The following DIP2C variants were observed in gnomAD, a reference collection of about 807,000 sequenced individuals.
DIP2C encodes the protein DIP2 acetate--CoA ligase C (putative), also known as disco-interacting protein 2 homolog C.
In DIP2C, 33 loss-of-function variants were observed where a neutral mutation model predicts 192.4. That is an observed-to-expected ratio of 0.17 (90% confidence interval 0.13 to 0.23). The LOEUF (loss-of-function observed/expected upper bound fraction) is 0.23, where lower values mean the gene tolerates loss of function less well. Ranked by LOEUF, DIP2C falls within the 10% of genes least tolerant of loss-of-function variation. The probability of loss-of-function intolerance (pLI) is 1.00; values close to 1 mark genes in which losing one functional copy is unlikely to be tolerated. For synonymous variants in DIP2C, 979 were observed against 864.1 expected, an observed-to-expected ratio of 1.13 and a Z score of -2.33; for missense variants, 1,537 against 2,110.1, an observed-to-expected ratio of 0.73 and a Z score of 5.32.
chr10:423,148 CTTT>C (rs1391665211), intron 4 of DIP2C, 115 bp from the exon 5 acceptor site: 3 of 966,506 alleles, frequency 3.1e-6, no homozygotes, highest in African/African-American at 1.6e-5. Context: ...TGTTCAATGA[CTTT>C]TTGATACACT....
chr10:443,117 T>C (rs1361644022), intron 3 of DIP2C, among the ~76,000 whole-genome samples: 1 of 152,178 alleles, frequency 6.6e-6, no homozygotes, highest in Non-Finnish European at 1.5e-5. Flanking sequence ...GGTGCTTAAG[T>C]TCCTCCAAAG....
intron 1 of DIP2C, among the ~76,000 whole-genome samples, chr10:540,489 G>T (rs1388355060): frequency 6.6e-6 from 1 of 152,176 alleles, no homozygotes; most frequent in Admixed American, 6.5e-5. Context: ...ACAGTCTTGA[G>T]TCCTCTTCTC....
At chr10:603,325 AAAAAAAAACC>A (rs1231350170) in intron 1 of DIP2C, among the ~76,000 whole-genome samples, 76 of 137,680 alleles carry the variant, frequency 5.5e-4, no homozygotes, top group African/African-American at 2.2e-3. Flanking sequence ...AAAAAAAAAA[AAAAAAAAACC>A]AACCATGAGA....
In DIP2C at chr10:591,330, G is replaced by A. The variant is rs139221179; in HGVS notation, c.85+98164C>T. On this transcript the variant is annotated intron_variant, in intron 1 of 36. Transcript: ENST00000280886. ...AGTAGAGACAGGGTTTCACCATGTT[G>A]GCCAGGCTGGTCTCAAACTCCTGAC... is the stretch of plus-strand genomic sequence containing the variant. 2.2e-3 allele frequency among the ~76,000 whole-genome samples: 328 copies of A among 152,132 alleles called. 2 individuals carry two copies. Among genetic ancestry groups the A allele is most frequent in the African/African-American group, 7.5e-3 (312 of 41,502 alleles).
chr10:632,154 C>T (rs944868544), intron 1 of DIP2C, among the ~76,000 whole-genome samples: 2 of 152,300 alleles, frequency 1.3e-5, no homozygotes, highest in Admixed American at 6.5e-5. Context: ...AAGAGGCAAA[C>T]GTGGACCACA....
In DIP2C at chr10:478,955, C is replaced by T. The variant is rs1047187742; in HGVS notation, c.158-6406G>A. Among the ~76,000 whole-genome samples the T allele has an allele frequency of 2.5e-4, 38 of 152,246 alleles. 1 individual carries two copies. The highest frequency in any genetic ancestry group is 2.3e-3 in the Admixed American group (35 of 15,282). The stretch of plus-strand genomic sequence containing the variant: ...GCCAAGAGGCTCTCCTGCCCTCCTT[C>T]CCCAGCACCCAGGGGCAAGCGCTCT... On this transcript the variant is annotated intron_variant, in intron 2 of 36. Transcript: ENST00000280886.
At chr10:291,974 T>A (rs1203975087) in intron 32 of DIP2C, among the ~76,000 whole-genome samples, 1 of 152,216 alleles carries the variant, frequency 6.6e-6, no homozygotes, top group African/African-American at 2.4e-5. Flanking sequence ...GGCCCTCTCC[T>A]GCGGGAAGTG....
At chr10:670,538 A>G (rs1264057753) in intron 1 of DIP2C, among the ~76,000 whole-genome samples, 1 of 152,226 alleles carries the variant, frequency 6.6e-6, no homozygotes, top group Non-Finnish European at 1.5e-5. Context: ...ACGGCTGCAC[A>G]TCACATTAAC....
intron 1 of DIP2C, among the ~76,000 whole-genome samples, chr10:569,384 A>T (rs1849643642): frequency 6.6e-6 from 1 of 152,224 alleles, no homozygotes; most frequent in Non-Finnish European, 1.5e-5. Flanking sequence ...TAAAAGCCAA[A>T]ACAAGGGAGG....
intron 5 of DIP2C, among the ~76,000 whole-genome samples, chr10:420,260 C>T (rs1323617087): frequency 5.3e-5 from 8 of 152,232 alleles, no homozygotes; most frequent in African/African-American, 1.4e-4. Flanking sequence ...CAGAAGAGGC[C>T]GTGACAGGAC....
Position 281,340 on chromosome 10 carries a change from G to A in DIP2C, c.4295-17C>T, listed in dbSNP as rs779693461. 1.3e-6 allele frequency: 2 copies of A among 1,593,330 alleles called. No individual in the cohort carries two copies. The highest frequency in any genetic ancestry group is 1.7e-6 in the Non-Finnish European group (2 of 1,165,536). On this transcript the variant is annotated splice_polypyrimidine_tract_variant and intron_variant, in intron 35 of 36. Coordinates refer to ENST00000280886, the MANE Select transcript of DIP2C (RefSeq NM_014974.3). ...CATGGCGCTCTGTGGAGTAATGACA[G>A]CCTGCGTAAGCTTCCCCATAATGCC...
chr10:568,828 C>T (rs1404908753), intron 1 of DIP2C, among the ~76,000 whole-genome samples: 1 of 140,124 alleles, frequency 7.1e-6, no homozygotes, highest in African/African-American at 2.6e-5. Flanking sequence ...ATGGCTGTGG[C>T]TCTGCCTGAT....
intron 1 of DIP2C, among the ~76,000 whole-genome samples, chr10:578,784 AGCATAAGTGCACTATAACATGTGTGCAT>A (rs11270959): frequency 0.031 from 4,749 of 152,204 alleles, 249 homozygotes; most frequent in African/African-American, 0.11. Context: ...ATAGTGTACA[AGCATAAGTGCACTATAACATGTGTGCAT>A]GCATAGAGAG....
At chr10:302,722 T>C (rs533365442) in intron 32 of DIP2C, among the ~76,000 whole-genome samples, 1 of 152,302 alleles carries the variant, frequency 6.6e-6, no homozygotes, top group African/African-American at 2.4e-5. Flanking sequence ...CTACATACAA[T>C]TGTAATACAA....
chr10:476,036 G>A (rs1241979141), intron 2 of DIP2C, among the ~76,000 whole-genome samples: 2 of 152,242 alleles, frequency 1.3e-5, no homozygotes, highest in Non-Finnish European at 2.9e-5. Flanking sequence ...GGGGAACTGT[G>A]ATTGAAAACC....
At chr10:575,304 A>G (rs540755205) in intron 1 of DIP2C, among the ~76,000 whole-genome samples, 487 of 152,334 alleles carry the variant, frequency 3.2e-3, no homozygotes, top group Non-Finnish European at 6.0e-3. Context: ...GCTTTTATAA[A>G]AAGTAAAATT....
chr10:674,771 A>AAT (rs375454744), intron 1 of DIP2C, among the ~76,000 whole-genome samples: 943 of 27,694 alleles, frequency 0.034, 34 homozygotes, highest in Non-Finnish European at 0.037. Context: ...CTCCATCTCA[A>AAT]ATATATATAT....
chr10:655,968 T>A (rs1310721003), intron 1 of DIP2C, among the ~76,000 whole-genome samples: 1 of 152,062 alleles, frequency 6.6e-6, no homozygotes, highest in African/African-American at 2.4e-5. Context: ...TATATAACGC[T>A]ATACTATTTG....
chr10:604,676 CTAAT>C (rs770323723), intron 1 of DIP2C, among the ~76,000 whole-genome samples: 2 of 152,344 alleles, frequency 1.3e-5, no homozygotes, highest in African/African-American at 2.4e-5. Flanking sequence ...AAAAAGTTCT[CTAAT>C]TAAATTAATT....
Sources: gnomAD v4.1 joint callset for allele counts (sites outside exome capture counted in the v4.1 genomes callset) on GRCh38, gnomAD v4.1.1 for gene constraint, MANE v1.5 for transcripts, NCBI Gene and HGNC (gene_info 2026-07-23, HGNC 2026-07-21) for gene names.